The following ARHGAP24 variants were observed in gnomAD, a reference collection of about 807,000 sequenced individuals.
ARHGAP24 encodes rho GTPase-activating protein 24.
ARHGAP24 carries 50 observed loss-of-function variants against 76.4 expected under a neutral mutation model. That is an observed-to-expected ratio of 0.65 (90% CI 0.52 to 0.83). The LOEUF (loss-of-function observed/expected upper bound fraction) is 0.83. Among genes scored for constraint, ARHGAP24 ranks in the 40% least tolerant of loss-of-function variants. The probability of loss-of-function intolerance (pLI) is 0.00; values close to 1 mark genes in which losing one functional copy is unlikely to be tolerated. For missense variants in ARHGAP24, 930 were observed against 914.2 expected, an observed-to-expected ratio of 1.02 and a Z score of -0.22; for synonymous variants, 345 against 323.3, an observed-to-expected ratio of 1.07 and a Z score of -0.72.
chr4:85,886,119 C>T (rs1733552625), intron 3 of ARHGAP24, among the ~76,000 whole-genome samples: 1 of 152,022 alleles, frequency 6.6e-6, no homozygotes, highest in Non-Finnish European at 1.5e-5. Flanking sequence ...AATGACTGAA[C>T]TCAAAAGTAA....
intron 2 of ARHGAP24, among the ~76,000 whole-genome samples, chr4:85,638,020 C>A (rs1482088): frequency 0.17 from 25,734 of 152,000 alleles, 3,320 homozygotes; most frequent in East Asian, 0.56. Flanking sequence ...AGTCATACCA[C>A]ATTCTCGTCC....
Position 85,570,728 on chromosome 4 carries a change from A to G in ARHGAP24, c.180+7A>G. On this transcript the variant is annotated splice_region_variant and intron_variant, in intron 2 of 9. Transcript: ENST00000395184. Reference sequence around the variant, plus strand: ...AGATGAAACCAAGCCCTTGGTGAGTAGGAGAAAATGTAAAGCATTAAGGGC... The same window carrying G: ...AGATGAAACCAAGCCCTTGGTGAGTGGGAGAAAATGTAAAGCATTAAGGGC... 1.9e-6 allele frequency: 3 copies of G among 1,613,952 alleles called. No individual in the cohort carries two copies. The highest frequency in any genetic ancestry group is 2.5e-6 in the Non-Finnish European group (3 of 1,179,896).
At chr4:85,620,183 G>A (rs925110213) in intron 2 of ARHGAP24, among the ~76,000 whole-genome samples, 2 of 151,956 alleles carry the variant, frequency 1.3e-5, no homozygotes, top group Admixed American at 6.6e-5. Flanking sequence ...TATGAGTTTG[G>A]AAGTACTTCT....
chr4:85,953,792 A>C (rs1737756251), intron 5 of ARHGAP24, among the ~76,000 whole-genome samples: 1 of 152,150 alleles, frequency 6.6e-6, no homozygotes, highest in African/African-American at 2.4e-5. Context: ...CAATTATTAT[A>C]AGCATAAAGA....
At chr4:85,939,901 TA>T (rs35519913) in intron 4 of ARHGAP24, among the ~76,000 whole-genome samples, 68,684 of 147,602 alleles carry the variant, frequency 0.47, 17,427 homozygotes, top group African/African-American at 0.7. Context: ...AAATCGAAAG[TA>T]AAAAAAAAAA....
intron 3 of ARHGAP24, among the ~76,000 whole-genome samples, chr4:85,745,246 C>G (rs1369868350): frequency 6.9e-6 from 1 of 145,428 alleles, no homozygotes; most frequent in Admixed American, 6.9e-5. Context: ...TGAGACAAGC[C>G]TGGGCAAGAT....
intron 3 of ARHGAP24, among the ~76,000 whole-genome samples, chr4:85,786,055 TTAAC>T (rs1479839623): frequency 7.2e-5 from 11 of 152,262 alleles, no homozygotes; most frequent in African/African-American, 2.6e-4. Flanking sequence ...ATTTCCTTAA[TTAAC>T]TAATTACTTA....
At chr4:85,976,124 A>G (rs1739306712) in intron 7 of ARHGAP24, among the ~76,000 whole-genome samples, 1 of 152,244 alleles carries the variant, frequency 6.6e-6, no homozygotes, top group Non-Finnish European at 1.5e-5. Context: ...CTTTGGAACC[A>G]TATTGTAAGT....
intron 3 of ARHGAP24, among the ~76,000 whole-genome samples, chr4:85,919,407 A>G (rs1232636536): frequency 6.6e-6 from 1 of 152,210 alleles, no homozygotes; most frequent in Non-Finnish European, 1.5e-5. Flanking sequence ...AGTACAGAGT[A>G]TCTAGTTCAT....
At chr4:85,607,860 G>A (rs551554176) in intron 2 of ARHGAP24, among the ~76,000 whole-genome samples, 2 of 151,332 alleles carry the variant, frequency 1.3e-5, no homozygotes, top group Admixed American at 6.6e-5. Context: ...AGGTGTTGAT[G>A]GGGCTCAAGT....
At chr4:85,821,932 G>C (rs1729490989) in intron 3 of ARHGAP24, among the ~76,000 whole-genome samples, 1 of 152,100 alleles carries the variant, frequency 6.6e-6, no homozygotes, top group African/African-American at 2.4e-5. Context: ...AGTATTTACT[G>C]TTTTTCTTAA....
intron 3 of ARHGAP24, among the ~76,000 whole-genome samples, chr4:85,750,868 C>A (rs76461093): frequency 6.6e-6 from 1 of 152,130 alleles, no homozygotes; most frequent in South Asian, 2.1e-4. Context: ...TGTTTCACTG[C>A]GGGGCAGAAG....
At chr4:85,956,721 G>C (rs1304962050) in intron 5 of ARHGAP24, among the ~76,000 whole-genome samples, 1 of 152,224 alleles carries the variant, frequency 6.6e-6, no homozygotes, top group Non-Finnish European at 1.5e-5. Flanking sequence ...GCCCGATCGG[G>C]AGGGGCAATG....
At chr4:85,479,085 G>T (rs1031839493) in intron 1 of ARHGAP24, among the ~76,000 whole-genome samples, 1 of 152,004 alleles carries the variant, frequency 6.6e-6, no homozygotes. Context: ...AAATACTGGT[G>T]CACTCCAACT....
chr4:85,491,434 C>T (rs1227544457), intron 1 of ARHGAP24, among the ~76,000 whole-genome samples: 1 of 151,932 alleles, frequency 6.6e-6, no homozygotes, highest in Non-Finnish European at 1.5e-5. Context: ...GTATTAATTG[C>T]CACTTACTGT....
chr4:85,731,451 GAAT>G (rs1220388542), intron 3 of ARHGAP24, among the ~76,000 whole-genome samples: 1 of 152,164 alleles, frequency 6.6e-6, no homozygotes, highest in Non-Finnish European at 1.5e-5. Flanking sequence ...CATGTTTGTT[GAAT>G]TAATGAATAA....
At chr4:85,585,793 C>A (rs528884386) in intron 2 of ARHGAP24, among the ~76,000 whole-genome samples, 1 of 152,306 alleles carries the variant, frequency 6.6e-6, no homozygotes, top group East Asian at 1.9e-4. Context: ...AAAGTCCAGT[C>A]TGGAGCATGC....
chr4:85,558,059 T>C (rs1358256890), intron 1 of ARHGAP24, among the ~76,000 whole-genome samples: 2 of 152,154 alleles, frequency 1.3e-5, no homozygotes, highest in African/African-American at 4.8e-5. Context: ...CAGATGCTCA[T>C]CCTTTCAGTG....
At position 85,798,560 on chromosome 4, in the gene ARHGAP24, C is replaced by T. The variant is rs142581196; in HGVS notation, c.268+76588C>T. On this transcript the variant is annotated intron_variant, in intron 3 of 9. Transcript: ENST00000395184. ...GTGCATGTAAAAACTTGCAAAACTC[C>T]AATAAGGTCTGAGTTTAGTTAATAG... 1.4e-3 allele frequency among the ~76,000 whole-genome samples: 209 copies of T among 152,206 alleles called. 2 individuals carry two copies. The highest frequency in any genetic ancestry group is 4.2e-3 in the African/African-American group (176 of 41,546).
Sources: allele counts gnomAD v4.1 joint callset (sites outside exome capture counted in the v4.1 genomes callset), GRCh38; gene constraint gnomAD v4.1.1; transcripts MANE v1.5; gene names NCBI Gene and HGNC (gene_info 2026-07-23, HGNC 2026-07-21).